KCNH1: variants seen among roughly 807,000 people sequenced by gnomAD.
The protein encoded by KCNH1 is potassium voltage-gated channel subfamily H member 1.
In KCNH1, 27 loss-of-function variants were observed where a neutral mutation model predicts 69.2. The ratio of observed to expected loss-of-function variants is 0.39; its 90% CI spans 0.29 to 0.54. The LOEUF is 0.54. Ranked by LOEUF, KCNH1 falls within the 20% of genes least tolerant of loss-of-function variation. The probability of loss-of-function intolerance (pLI) is 0.68; values close to 1 mark genes in which losing one functional copy is unlikely to be tolerated. For missense variants in KCNH1, 798 were observed against 1,261.6 expected (o/e 0.63, Z 5.57); for synonymous variants, 456 against 487.7 (o/e 0.93, Z 0.86).
chr1:210,748,673 A>G (rs1683217328), intron 10 of KCNH1, among the ~76,000 whole-genome samples: 1 of 152,208 alleles, frequency 6.6e-6, no homozygotes, highest in Non-Finnish European at 1.5e-5. Flanking sequence ...CTTACACCAA[A>G]GACTCTCCTG....
chr1:210,792,441 G>T (rs764728710), intron 9 of KCNH1, among the ~76,000 whole-genome samples: 2 of 152,086 alleles, frequency 1.3e-5, no homozygotes, highest in Non-Finnish European at 2.9e-5. Context: ...CTTTCCATGT[G>T]CTAGGTGCTG....
chr1:211,027,587 C>A (rs1252787447), intron 5 of KCNH1, among the ~76,000 whole-genome samples: 2 of 150,886 alleles, frequency 1.3e-5, no homozygotes, highest in African/African-American at 4.9e-5. Context: ...AAGTGGGCAA[C>A]CCTGTCTCAG....
At chr1:210,705,075 G>C (rs1681874611) in intron 10 of KCNH1, among the ~76,000 whole-genome samples, 1 of 152,148 alleles carries the variant, frequency 6.6e-6, no homozygotes, top group South Asian at 2.1e-4. Flanking sequence ...CCCTGCGCAG[G>C]AGACAAGAAT....
intron 10 of KCNH1, among the ~76,000 whole-genome samples, chr1:210,756,839 C>T (rs1683410529): frequency 6.6e-6 from 1 of 152,184 alleles, no homozygotes; most frequent in Non-Finnish European, 1.5e-5. Flanking sequence ...CTTCTGGTGT[C>T]TTCAAGCAGC....
chr1:210,853,570 C>T (rs550357003), intron 7 of KCNH1, among the ~76,000 whole-genome samples: 35 of 152,198 alleles, frequency 2.3e-4, no homozygotes, highest in Non-Finnish European at 3.8e-4. Flanking sequence ...CTCAAGGGCA[C>T]TCTACAGAGC....
chr1:210,949,631 A>G (rs1160871389), intron 6 of KCNH1, among the ~76,000 whole-genome samples: 2 of 152,212 alleles, frequency 1.3e-5, no homozygotes, highest in Non-Finnish European at 2.9e-5. Context: ...CACGCAAAAC[A>G]GCACTTCATA....
chr1:210,716,456 A>C (rs1225185765), intron 10 of KCNH1, among the ~76,000 whole-genome samples: 1 of 144,658 alleles, frequency 6.9e-6, no homozygotes, highest in Non-Finnish European at 1.5e-5. Flanking sequence ...AAAGCATGTT[A>C]CACAACCATC....
chr1:210,687,431 C>CG (rs1553334827), intron 10 of KCNH1, among the ~76,000 whole-genome samples: 2 of 152,176 alleles, frequency 1.3e-5, no homozygotes, highest in African/African-American at 4.8e-5. Context: ...TCTGTGCAGG[C>CG]TTTTTTTCCA....
chr1:210,775,183 C>T lies in KCNH1; in HGVS notation c.2112+165G>A, dbSNP rs1114469. Among the ~76,000 whole-genome samples the T allele has an allele frequency of 1.7e-3, 260 of 152,306 alleles. 2 individuals are homozygous for T. The highest frequency in any genetic ancestry group is 5.9e-3 in the African/African-American group (247 of 41,560). ...CTAATCTAGCAACATCCCCTCTCTC[C>T]TCCATTTTATAGCAAAAGCCCCGCA... is the stretch of plus-strand genomic sequence containing the variant. On this transcript the variant is annotated intron_variant, in intron 10 of 10. Transcript: ENST00000271751.
In KCNH1 at chr1:210,779,829, A is replaced by G. The variant is rs535295252; in HGVS notation, c.1916-4285T>C. Among the ~76,000 whole-genome samples, 263 of 152,304 alleles carry G rather than the reference A, an allele frequency of 1.7e-3. 2 individuals are homozygous for G. The highest frequency in any genetic ancestry group is 6.0e-3 in the African/African-American group (250 of 41,578). The stretch of plus-strand genomic sequence containing the variant: ...CCTCCTCTTCCCCCCAATTATATGG[A>G]GCTGTCTTTACTGAACCTCCACTTC... On this transcript the variant is annotated intron_variant, in intron 9 of 10. Coordinates refer to ENST00000271751, the MANE Select transcript of KCNH1 (RefSeq NM_172362.3).
chr1:210,803,980 A>G lies in KCNH1; in HGVS notation c.1649T>C (p.Ile550Thr). The G allele has an allele frequency of 1.9e-6, 3 of 1,614,048 alleles. No individual in the cohort carries two copies. Among genetic ancestry groups the G allele is most frequent in the Non-Finnish European group, 2.5e-6 (3 of 1,179,978 alleles). Reference protein sequence around the residue: ...IVSTWSMSRGIDTEKVLQICP... With the variant: ...IVSTWSMSRGTDTEKVLQICP... ...CATCCTCCTTACCTTCTCTGTGTCA[A>G]TGCCTCTGGACATGGACCAAGTGGA... The change falls in exon 8 of 11, where the codon ATT (isoleucine) becomes ACT (threonine). Residue 550 changes from isoleucine (I) to threonine (T), a missense_variant. Physicochemically the swap from Ile to Thr is moderately conservative, Grantham distance 89 (BLOSUM62 -1). Around this residue, in one of 4 missense-constraint regions of KCNH1, gnomAD observed 197 missense variants for 407.7 expected, o/e 0.48. Coordinates refer to ENST00000271751, the MANE Select transcript of KCNH1 (RefSeq NM_172362.3).
intron 6 of KCNH1, among the ~76,000 whole-genome samples, chr1:210,969,517 C>A (rs1179400751): frequency 6.6e-6 from 1 of 151,802 alleles, no homozygotes; most frequent in Non-Finnish European, 1.5e-5. Context: ...TCGTTTATCT[C>A]CCCTAGGAAT....
intron 4 of KCNH1, among the ~76,000 whole-genome samples, chr1:211,086,003 G>T (rs1690945954): frequency 6.6e-6 from 1 of 152,064 alleles, no homozygotes; most frequent in African/African-American, 2.4e-5. Context: ...ACCCCCACTT[G>T]CTTTAGGCAG....
intron 6 of KCNH1, among the ~76,000 whole-genome samples, chr1:211,012,434 A>G (rs963350019): frequency 1.3e-5 from 2 of 152,222 alleles, no homozygotes; most frequent in African/African-American, 2.4e-5. Context: ...AAATCATGGT[A>G]CATCCATACA....
intron 6 of KCNH1, among the ~76,000 whole-genome samples, chr1:210,987,958 T>C (rs1189913057): frequency 6.6e-6 from 1 of 152,190 alleles, no homozygotes; most frequent in Non-Finnish European, 1.5e-5. Context: ...GCTGCTTTGT[T>C]TACCTAATCA....
At chr1:210,933,106 A>G (rs1414938784) in intron 6 of KCNH1, among the ~76,000 whole-genome samples, 1 of 152,222 alleles carries the variant, frequency 6.6e-6, no homozygotes, top group East Asian at 1.9e-4. Context: ...AAGACTTGGA[A>G]CCAATCCAAA....
intron 3 of KCNH1, among the ~76,000 whole-genome samples, chr1:211,095,604 G>A (rs1691133905): frequency 6.6e-6 from 1 of 152,128 alleles, no homozygotes; most frequent in African/African-American, 2.4e-5. Flanking sequence ...TTTCTACCCT[G>A]GGCTTCCTCC....
chr1:210,732,807 T>G (rs889141473), intron 10 of KCNH1, among the ~76,000 whole-genome samples: 1 of 152,186 alleles, frequency 6.6e-6, no homozygotes, highest in African/African-American at 2.4e-5. Context: ...AGGGCATTAA[T>G]CCCATTTATG....
At chr1:211,072,739 C>T (rs1033337683) in intron 5 of KCNH1, among the ~76,000 whole-genome samples, 3 of 151,316 alleles carry the variant, frequency 2.0e-5, no homozygotes, top group Admixed American at 1.3e-4. Flanking sequence ...TTGATTGCTG[C>T]TAAGGAAGGA....
Sources: gnomAD v4.1 joint callset for allele counts (sites outside exome capture counted in the v4.1 genomes callset) on GRCh38, gnomAD v4.1.1 for gene constraint, gnomAD v4.1.1 regional missense constraint, MANE v1.5 for transcripts, NCBI Gene and HGNC (gene_info 2026-07-23, HGNC 2026-07-21) for gene names.